Variants in ATG9B observed in about 807,000 individuals in gnomAD.
ATG9B encodes autophagy-related protein 9B.
In ATG9B, 92 loss-of-function variants were observed where a neutral mutation model predicts 92.9. The ratio of observed to expected loss-of-function variants is 0.99; its 90% CI spans 0.84 to 1.18. The LOEUF is 1.18. Among genes scored for constraint, ATG9B ranks in the 50% most tolerant of loss-of-function variants. The pLI, the probability that ATG9B is intolerant of heterozygous loss-of-function variation, is 0.00. For synonymous variants in ATG9B, 599 were observed against 551.4 expected, an observed-to-expected ratio of 1.09 and a Z score of -1.21; for missense variants, 1,344 against 1,235.0, an observed-to-expected ratio of 1.09 and a Z score of -1.32.
downstream of ATG9B, chr7:151,013,291 T>C (rs985758587): frequency 2.5e-6 from 4 of 1,614,058 alleles, no homozygotes; most frequent in Non-Finnish European, 3.4e-6. Context: ...CTTGACCATC[T>C]CTACCGCGAC....
chr7:151,012,687 G>A (rs148542226), downstream of ATG9B: 280 of 532,736 alleles, frequency 5.3e-4, 1 homozygote, highest in African/African-American at 4.6e-3. Context: ...AGTAGGTGTT[G>A]ACTGGATTGA....
Position 151,018,794 on chromosome 7 carries a change from C to G in ATG9B, c.1544G>C (p.Arg515Pro). The G allele has an allele frequency of 7.5e-7, 1 of 1,325,148 alleles. No individual in the cohort carries two copies. The highest frequency in any genetic ancestry group is 9.6e-7 in the Non-Finnish European group (1 of 1,040,952). The allele number at this position is 1,325,148 out of a possible 1,614,324, so 82.1% of individuals were successfully genotyped here. The change falls in exon 6 of 14, where the codon CGC (arginine) becomes CCC (proline). Residue 515 changes from arginine to proline, a missense_variant. Transcript: ENST00000639579. This position sits in a 1 kb window ranked among gnomAD's most constrained non-coding sequence, Gnocchi z 4.7. ...CAGGGGCGCGGGGGGCGCAGCGGTGCGCAGGAAGGCGGCGGCGGGGCGGTA... is the reference window on the plus strand; with the variant it reads ...CAGGGGCGCGGGGGGCGCAGCGGTGGGCAGGAAGGCGGCGGCGGGGCGGTA... ...RAYRPAAAFL[R>P]TAAPPAPLRT...
chr7:151,023,756 C>A (rs577237815), intron 1 of ATG9B, 26 bp from the exon 2 acceptor site: 2 of 1,613,826 alleles, frequency 1.2e-6, no homozygotes, highest in Non-Finnish European at 8.5e-7. Context: ...AGAGTGTCAG[C>A]CCCTGGCATG....
chr7:151,018,379 T>TG lies in ATG9B; in HGVS notation c.1786dup (p.His596ProfsTer97). ...GGGCTCCTCCGGGAGGTAGTGCATG[T>TG]GGGCCAGGGCTGTCTGCAGCAGGAG... is the stretch of plus-strand genomic sequence containing the variant. On this transcript the variant is annotated frameshift_variant, in exon 7 of 14. Transcript: ENST00000639579. LOFTEE classifies it high-confidence loss of function. This position sits in a 1 kb window ranked among gnomAD's most constrained non-coding sequence, Gnocchi z 4.7. 1 of 1,596,172 alleles carries TG rather than the reference T, an allele frequency of 6.3e-7. No homozygotes were observed. Among genetic ancestry groups the TG allele is most frequent in the Non-Finnish European group, 8.5e-7 (1 of 1,172,950 alleles).
In ATG9B at chr7:151,023,408, AGGGGACCGAGTTCCGGGCCCG is replaced by A; in HGVS notation, c.659+16_659+36del. On this transcript the variant is annotated intron_variant, in intron 3 of 13. Transcript: ENST00000639579. ...AATGACAGAAGGAAGCCATGGGCCC[AGGGGACCGAGTTCCGGGCCCG>A]GGCTAAGCGTCTCACCCCAGCTGGA... 6.2e-7 allele frequency: 1 copy of A among 1,610,282 alleles called. No homozygotes were observed. Among genetic ancestry groups the A allele is most frequent in the African/African-American group, 1.3e-5 (1 of 74,936 alleles).
chr7:151,023,494 G>T lies in ATG9B; in HGVS notation c.610C>A (p.Gln204Lys). 1 of 1,612,838 alleles carries T rather than the reference G, an allele frequency of 6.2e-7. No individual in the cohort carries two copies. The highest frequency in any genetic ancestry group is 8.5e-7 in the Non-Finnish European group (1 of 1,179,476). Residue 204 changes from glutamine (Q) to lysine (K), a missense_variant, in exon 3 of 14, where the codon CAG becomes AAG. Gln to Lys is a moderately conservative substitution (Grantham distance 53, BLOSUM62 1). Coordinates refer to ENST00000639579, the MANE Select transcript of ATG9B (RefSeq NM_001317056.2). ...AAGATGCAGGCAAAGCCATTCCGCT[G>T]GTGGTAGCTGTAGATGTGGCTGCGT... ...SFFTKIYSYHQRNGFACILLE... is the reference protein window; with the variant it reads ...SFFTKIYSYHKRNGFACILLE...
downstream of ATG9B, chr7:151,012,852 T>G: frequency 3.0e-6 from 1 of 329,182 alleles, no homozygotes; most frequent in Non-Finnish European, 5.6e-6. Flanking sequence ...GTGCCCAGGG[T>G]GGTCTGTCAA....
intron 2 of ATG9B, 39 bp from the exon 3 acceptor site, chr7:151,023,548 G>T: frequency 6.2e-7 from 1 of 1,612,450 alleles, no homozygotes; most frequent in Non-Finnish European, 8.5e-7. Flanking sequence ...GGCACGGGGG[G>T]CCTCTCCTGA....
rs1795810070 is a variant in ATG9B, at chr7:151,023,083, C to T, written c.783G>A (p.Leu261=). ...RPGPFHSKVT[L]SDAILPSAQC... ...GGGCTGAGGGTAGGATGGCATCTGACAGGGTCACTTTGCTGTGGAACGGCC... is the reference window on the plus strand; with the variant it reads ...GGGCTGAGGGTAGGATGGCATCTGATAGGGTCACTTTGCTGTGGAACGGCC... The change falls in exon 4 of 14, where the codon CTG becomes CTA. Residue 261 remains leucine (L), a synonymous_variant. Coordinates refer to ENST00000639579, the MANE Select transcript of ATG9B (RefSeq NM_001317056.2). The T allele has an allele frequency of 3.1e-6, 5 of 1,614,136 alleles. No individual in the cohort carries two copies. Among genetic ancestry groups the T allele is most frequent in the Non-Finnish European group, 4.2e-6 (5 of 1,180,014 alleles).
rs1795629787 is a variant in ATG9B, at chr7:151,018,847, G to C, written c.1491C>G (p.His497Gln). 1.5e-6 allele frequency: 2 copies of C among 1,303,838 alleles called. No individual in the cohort carries two copies. Among genetic ancestry groups the C allele is most frequent in the Non-Finnish European group, 1.9e-6 (2 of 1,030,092 alleles). The allele number at this position is 1,303,838 out of a possible 1,614,324, so 80.8% of individuals were successfully genotyped here. The change falls in exon 6 of 14, where the codon CAC (histidine) becomes CAG (glutamine). Residue 497 changes from histidine (H) to glutamine (Q), a missense_variant. By Grantham distance (24) the His-to-Gln change is conservative. Coordinates refer to ENST00000639579, the MANE Select transcript of ATG9B (RefSeq NM_001317056.2). This position sits in a 1 kb window ranked among gnomAD's most constrained non-coding sequence, Gnocchi z 4.7. ...LQLRHFNELP[H>Q]ELRARLARAY... Reference sequence around the variant, plus strand: ...CGCGGGCCAGGCGCGCGCGCAGCTCGTGCGGCAGCTCGTTGAAGTGGCGCA... The same window carrying C: ...CGCGGGCCAGGCGCGCGCGCAGCTCCTGCGGCAGCTCGTTGAAGTGGCGCA...
chr7:151,014,918 T>C (rs1279209063), downstream of ATG9B: 1 of 152,240 alleles, frequency 6.6e-6, no homozygotes, highest in Non-Finnish European at 1.5e-5. Flanking sequence ...GGATTACAAT[T>C]ATAAAATGAC....
rs1308570101 is a variant in ATG9B, at chr7:151,018,045, G to A, written c.1878C>T (p.Ser626=). The change falls in exon 8 of 14, where the codon TCC becomes TCT. Residue 626 remains serine, a synonymous_variant. Transcript: ENST00000639579. The surrounding 1 kb of genome is among the most constrained non-coding windows in gnomAD (Gnocchi z 4.7). ...MAQLLQYRAV[S]LLEELLSPLL... ...GCGGGGACAGGAGCTCCTCCAGGAG[G>A]GAGACCTGGGGAAGCAGCGGTGAGG... The A allele has an allele frequency of 6.3e-7, 1 of 1,579,904 alleles. No individual in the cohort carries two copies. Among genetic ancestry groups the A allele is most frequent in the Non-Finnish European group, 8.6e-7 (1 of 1,162,158 alleles).
downstream of ATG9B, chr7:151,013,445 C>T: frequency 6.5e-7 from 1 of 1,534,450 alleles, no homozygotes; most frequent in Non-Finnish European, 8.8e-7. Context: ...TCGCGCTCTC[C>T]AGCGGGGCAC....
downstream of ATG9B, chr7:151,013,774 C>T: frequency 6.2e-7 from 1 of 1,611,558 alleles, no homozygotes; most frequent in South Asian, 1.1e-5. Context: ...AGGTGCACCG[C>T]GTGCTGTGCC....
chr7:151,012,216 T>G, downstream of ATG9B: 2 of 706,482 alleles, frequency 2.8e-6, no homozygotes, highest in East Asian at 2.9e-5. Context: ...GAGTTGTTTT[T>G]TGTTTTTTGT....
rs372345570 is a variant in ATG9B at position 151,016,774 on chromosome 7, C to G, written c.2337G>C (p.Pro779=). 2 of 1,612,704 alleles carry G rather than the reference C, an allele frequency of 1.2e-6. No homozygotes were observed. Among genetic ancestry groups the G allele is most frequent in the East Asian group, 4.5e-5 (2 of 44,862 alleles). ...AGGGGGCTGTCGGGCTCAGATCTCT[C>G]GGAGGCAGGAGAGGGTGCACGAAGA... ...ANLFVHPLLP[P]RDLSPTAPCP... The change falls in exon 10 of 14, where the codon CCG becomes CCC. Residue 779 remains proline, a synonymous_variant. Coordinates refer to ENST00000639579, the MANE Select transcript of ATG9B (RefSeq NM_001317056.2).
chr7:151,014,087 G>C, downstream of ATG9B: 1 of 1,613,874 alleles, frequency 6.2e-7, no homozygotes, highest in Non-Finnish European at 8.5e-7. Context: ...CGCACCCAGA[G>C]CTTTTCCTTG....
At chr7:151,012,686 T>G, downstream of ATG9B, 1 of 532,348 alleles carries the variant, frequency 1.9e-6, no homozygotes, top group East Asian at 3.0e-5. Context: ...TAGTAGGTGT[T>G]GACTGGATTG....
rs374082558 is a variant in ATG9B at position 151,021,803 on chromosome 7, C to T, written c.822-474G>A. On this transcript the variant is annotated intron_variant, in intron 4 of 13. Coordinates refer to ENST00000639579, the MANE Select transcript of ATG9B (RefSeq NM_001317056.2). ...TAGCTGGGACTACAGGCGCCCGCCA[C>T]CACACCTGGCTAATTTTTGTATATT... is the stretch of plus-strand genomic sequence containing the variant. Among the ~76,000 whole-genome samples the T allele has an allele frequency of 8.6e-4, 130 of 151,292 alleles. 5 individuals carry two copies. In the South Asian group the frequency reaches 0.026, roughly 30 times the overall value.
Sources: gnomAD v4.1 joint callset for allele counts (sites outside exome capture counted in the v4.1 genomes callset) on GRCh38, gnomAD v4.1.1 for gene constraint, Gnocchi (gnomAD v3.1) non-coding constraint, MANE v1.5 for transcripts, NCBI Gene and HGNC (gene_info 2026-07-23, HGNC 2026-07-21) for gene names.